GSDMA: variants seen among roughly 807,000 people sequenced by gnomAD.
GSDMA encodes gasdermin A.
In GSDMA, 55 loss-of-function variants were observed where a neutral mutation model predicts 54.3. The observed-to-expected ratio is 1.01, with a 90% CI of 0.82 to 1.27. The LOEUF (loss-of-function observed/expected upper bound fraction) is 1.27, where lower values mean the gene tolerates loss of function less well. Ranked by LOEUF, GSDMA falls within the 50% of genes most tolerant of loss-of-function variation. The probability of loss-of-function intolerance (pLI) is 0.00; values close to 1 mark genes in which losing one functional copy is unlikely to be tolerated. For synonymous variants in GSDMA, 211 were observed against 224.7 expected (o/e 0.94, Z 0.54); for missense variants, 542 against 542.6 (o/e 1.00, Z 0.01).
chr17:39,972,109 C>A lies in GSDMA; in HGVS notation c.656-20C>A. ...CAGCTGCTAAGTGTCCTCCCACCCTCCCTCCCTTGCCCTTCACAGATATTC... is the reference window on the plus strand; with the variant it reads ...CAGCTGCTAAGTGTCCTCCCACCCTACCTCCCTTGCCCTTCACAGATATTC... On this transcript the variant is annotated intron_variant, in intron 5 of 11. Transcript: ENST00000301659. 5.4e-6 allele frequency: 6 copies of A among 1,112,056 alleles called. No homozygotes were observed. The highest frequency in any genetic ancestry group is 2.4e-5 in the East Asian group (1 of 41,780). The allele number at this position is 1,112,056 out of a possible 1,614,324, so 68.9% of individuals were successfully genotyped here.
In GSDMA at chr17:39,969,344, T is replaced by TAA. The variant is rs5820313; in HGVS notation, c.393-1124_393-1123dup. On this transcript the variant is annotated intron_variant, in intron 3 of 11. Coordinates refer to ENST00000301659, the MANE Select transcript of GSDMA (RefSeq NM_178171.5). ...CAGCCTGGGCAACAGAGTGGGACCT[T>TAA]AAAAAAAAAAAAAAAGAAAAAACTA... Among the ~76,000 whole-genome samples, 125 of 135,278 alleles carry TAA rather than the reference T, an allele frequency of 9.2e-4. 1 individual carries two copies. Among genetic ancestry groups the TAA allele is most frequent in the Non-Finnish European group, 1.3e-3 (82 of 63,572 alleles). 88.7% of individuals were successfully genotyped at this position (135,278 alleles called of 152,430 possible).
Position 39,977,305 on chromosome 17 carries a change from T to TGAGA in GSDMA, c.*247_*248insGAGA. On this transcript the variant is annotated 3_prime_UTR_variant, in exon 12 of 12. Transcript: ENST00000301659. ...TACTTTTCTTTTCTTTTTTTTTTTT[T>TGAGA]TTTTGAGATGGAGGCTCACTCTGTC... 5.2e-6 allele frequency: 2 copies of TGAGA among 384,260 alleles called. No homozygotes were observed. The highest frequency in any genetic ancestry group is 4.8e-5 in the East Asian group (1 of 20,962). 23.8% of individuals were successfully genotyped at this position (384,260 alleles called of 1,614,324 possible). A position where few individuals can be genotyped will look rare whatever the true frequency, so the allele number is the denominator to read the frequency against.
In GSDMA at chr17:39,963,076, C is replaced by A. The variant is rs1384682374; in HGVS notation, c.-15C>A. 2.6e-5 allele frequency: 4 copies of A among 152,848 alleles called. No homozygotes were observed. In the Admixed American group the frequency reaches 2.6e-4, roughly 10 times the overall value. The allele number at this position is 152,848 out of a possible 1,614,324, so 9.5% of individuals were successfully genotyped here. A position where few individuals can be genotyped will look rare whatever the true frequency, so the allele number is the denominator to read the frequency against. On this transcript the variant is annotated 5_prime_UTR_variant, in exon 1 of 12. Coordinates refer to ENST00000301659, the MANE Select transcript of GSDMA (RefSeq NM_178171.5). ...CCCAGCTGCTGGATAGGACCCAGCCCCGCTCCCAGGTAAGAACTTGATGAC... is the reference window on the plus strand; with the variant it reads ...CCCAGCTGCTGGATAGGACCCAGCCACGCTCCCAGGTAAGAACTTGATGAC...
chr17:39,968,311 A>G (rs1034023079), intron 3 of GSDMA, among the ~76,000 whole-genome samples: 6 of 122,264 alleles, frequency 4.9e-5, no homozygotes, highest in African/African-American at 1.9e-4. Context: ...AAGTGCTGGG[A>G]TTACAGGCGT....
At chr17:39,972,368 G>A (rs1429334723) in intron 6 of GSDMA, among the ~76,000 whole-genome samples, 192 bp downstream of exon 6, 1 of 152,140 alleles carries the variant, frequency 6.6e-6, no homozygotes, top group Non-Finnish European at 1.5e-5. Flanking sequence ...CTGTCCCAGA[G>A]AGATATAGAA....
In GSDMA at chr17:39,971,565, C is replaced by T. The variant is rs376771592; in HGVS notation, c.600C>T (p.Gly200=). 3.7e-6 allele frequency: 6 copies of T among 1,613,800 alleles called. No homozygotes were observed. In the African/African-American group the frequency reaches 8.0e-5, roughly 22 times the overall value. ...NHKEAVTIPK[G]CVLAFRVRQL... The stretch of plus-strand genomic sequence containing the variant: ...AGGAGGCTGTAACCATCCCCAAGGG[C>T]TGCGTCCTGGCCTTTCGAGTGAGAC... Residue 200 remains glycine, a synonymous_variant, in exon 5 of 12, where the codon GGC becomes GGT. Coordinates refer to ENST00000301659, the MANE Select transcript of GSDMA (RefSeq NM_178171.5).
At chr17:39,975,816 G>C in intron 10 of GSDMA, 108 bp from the exon 11 acceptor site, 1 of 804,486 alleles carries the variant, frequency 1.2e-6, no homozygotes, top group Non-Finnish European at 2.0e-6. Flanking sequence ...CACCTGCGTT[G>C]TAATTACATC....
rs373798049 is a variant in GSDMA, at chr17:39,976,903, G to A, written c.1183G>A (p.Glu395Lys). 30 of 1,613,848 alleles carry A rather than the reference G, an allele frequency of 1.9e-5. No individual in the cohort carries two copies. Among genetic ancestry groups the A allele is most frequent in the Admixed American group, 1.0e-4 (6 of 59,990 alleles). The change falls in exon 12 of 12, where the codon GAG becomes AAG. Residue 395 changes from glutamate (E) to lysine (K), a missense_variant. Physicochemically the swap from Glu to Lys is moderately conservative, Grantham distance 56. Transcript: ENST00000301659. Reference sequence around the variant, plus strand: ...TGAGCTGCTCTCCTCCCTTGGGGACGAGGAGCTGACCCTCACGGAGGCTCT... The same window carrying A: ...TGAGCTGCTCTCCTCCCTTGGGGACAAGGAGCTGACCCTCACGGAGGCTCT... Reference protein sequence around the residue: ...QPELLSSLGDEELTLTEALVG... With the variant: ...QPELLSSLGDKELTLTEALVG...
chr17:39,965,475 T>A, intron 1 of GSDMA: 1 of 568,404 alleles, frequency 1.8e-6, no homozygotes, highest in Non-Finnish European at 3.1e-6. Context: ...GGCAACTCTT[T>A]CAACTCTCCA....
At chr17:39,967,758 C>T (rs1302046534) in intron 3 of GSDMA, among the ~76,000 whole-genome samples, 3 of 152,146 alleles carry the variant, frequency 2.0e-5, no homozygotes, top group African/African-American at 4.8e-5. Flanking sequence ...CCGCAACCTC[C>T]GCCTCCCAGG....
chr17:39,976,530 AG>A (rs1212683203), intron 11 of GSDMA, among the ~76,000 whole-genome samples: 1 of 152,098 alleles, frequency 6.6e-6, no homozygotes, highest in African/African-American at 2.4e-5. Context: ...TGCCCACCTC[AG>A]CCTCCCAAAG....
At position 39,976,913 on chromosome 17, in the gene GSDMA, C is replaced by G; in HGVS notation, c.1193C>G (p.Thr398Ser). ...LLSSLGDEEL[T>S]LTEALVGLSG... Reference sequence around the variant, plus strand: ...TCCTCCCTTGGGGACGAGGAGCTGACCCTCACGGAGGCTCTAGTCGGGCTG... The same window carrying G: ...TCCTCCCTTGGGGACGAGGAGCTGAGCCTCACGGAGGCTCTAGTCGGGCTG... The change falls in exon 12 of 12, where the codon ACC becomes AGC. Residue 398 changes from threonine (T) to serine (S), a missense_variant. Transcript: ENST00000301659. 1 of 1,614,016 alleles carries G rather than the reference C, an allele frequency of 6.2e-7. No individual in the cohort carries two copies. Among genetic ancestry groups the G allele is most frequent in the Non-Finnish European group, 8.5e-7 (1 of 1,179,892 alleles).
intron 7 of GSDMA, 116 bp from the exon 8 acceptor site, chr17:39,973,694 C>T (rs1980064348): frequency 1.2e-6 from 1 of 847,036 alleles, no homozygotes; most frequent in East Asian, 2.6e-5. Context: ...TAGCTGGGCT[C>T]TCCCAGGAGA....
chr17:39,967,252 G>GGATGGTTT (rs1333572923), intron 3 of GSDMA, among the ~76,000 whole-genome samples: 1 of 152,178 alleles, frequency 6.6e-6, no homozygotes, highest in African/African-American at 2.4e-5. Context: ...AGTGCTGTAG[G>GGATGGTTT]GATGGTTTGA....
chr17:39,974,880 T>TC lies in GSDMA; in HGVS notation c.907-19dup, dbSNP rs1312268505. The TC allele has an allele frequency of 1.4e-6, 2 of 1,427,222 alleles. No individual in the cohort carries two copies. The highest frequency in any genetic ancestry group is 2.0e-6 in the Non-Finnish European group (2 of 1,015,968). The allele number at this position is 1,427,222 out of a possible 1,614,324, so 88.4% of individuals were successfully genotyped here. On this transcript the variant is annotated intron_variant, in intron 9 of 11. Coordinates refer to ENST00000301659, the MANE Select transcript of GSDMA (RefSeq NM_178171.5). ...CCCTTTCCTATGTTATCTTCAATAG[T>TC]CGCCCACCTTCCCCCACAGCTTGAA...
intron 7 of GSDMA, 31 bp from the exon 8 acceptor site, chr17:39,973,779 T>G (rs1280284020): frequency 3.1e-6 from 5 of 1,599,424 alleles, no homozygotes; most frequent in South Asian, 2.2e-5. Context: ...AGGATTGCAT[T>G]CTTATCTTTT....
chr17:39,972,397 G>T (rs1314656141), intron 6 of GSDMA, among the ~76,000 whole-genome samples, 190 bp from the exon 7 acceptor site: 1 of 152,220 alleles, frequency 6.6e-6, no homozygotes, highest in Non-Finnish European at 1.5e-5. Flanking sequence ...ACAGAGACCG[G>T]AAGGCACAGT....
intron 8 of GSDMA, 66 bp from the exon 9 acceptor site, chr17:39,974,207 G>T: frequency 6.7e-7 from 1 of 1,494,398 alleles, no homozygotes; most frequent in East Asian, 2.4e-5. Flanking sequence ...AGCCCTGCAG[G>T]GGGAATGCTG....
chr17:39,975,255 C>T (rs552642567), intron 10 of GSDMA, among the ~76,000 whole-genome samples: 8 of 152,222 alleles, frequency 5.3e-5, no homozygotes, highest in South Asian at 4.1e-4. Flanking sequence ...TCGAGATCAG[C>T]CTGGCCAACA....
Sources: allele counts gnomAD v4.1 joint callset (sites outside exome capture counted in the v4.1 genomes callset), GRCh38; gene constraint gnomAD v4.1.1; transcripts MANE v1.5; gene names NCBI Gene and HGNC (gene_info 2026-07-23, HGNC 2026-07-21).